EPHA6: variants seen among roughly 807,000 people sequenced by gnomAD.
EPHA6 encodes ephrin type-A receptor 6.
A neutral mutation model predicts 112.0 loss-of-function variants in EPHA6; 50 were observed. The observed-to-expected ratio is 0.45, with a 90% CI of 0.36 to 0.56. EPHA6 has a LOEUF of 0.56. EPHA6 is among the 20% of genes least tolerant of loss of function. The probability of loss-of-function intolerance (pLI) is 0.00; values close to 1 mark genes in which losing one functional copy is unlikely to be tolerated. For synonymous variants in EPHA6, 529 were observed against 490.7 expected (o/e 1.08, Z -1.03); for missense variants, 1,280 against 1,417.4 (o/e 0.90, Z 1.56).
At chr3:97,248,545 A>G (rs1222525100) in intron 5 of EPHA6, among the ~76,000 whole-genome samples, 11 of 152,136 alleles carry the variant, frequency 7.2e-5, no homozygotes, top group Admixed American at 6.6e-4. Context: ...AGTGAAAGAC[A>G]TGGTAAATTA....
intron 6 of EPHA6, among the ~76,000 whole-genome samples, chr3:97,445,279 T>A (rs1361543380): frequency 6.6e-6 from 1 of 152,132 alleles, no homozygotes; most frequent in African/African-American, 2.4e-5. Flanking sequence ...GTGCACAAGA[T>A]GGCCAGTGCT....
At chr3:97,006,446 G>A (rs2043882796) in intron 3 of EPHA6, among the ~76,000 whole-genome samples, 1 of 152,012 alleles carries the variant, frequency 6.6e-6, no homozygotes, top group Admixed American at 6.5e-5. Flanking sequence ...TGGGGTCAGT[G>A]GTGATATCCC....
At chr3:97,326,983 C>T (rs1576977219) in intron 5 of EPHA6, among the ~76,000 whole-genome samples, 2 of 152,076 alleles carry the variant, frequency 1.3e-5, no homozygotes, top group East Asian at 3.9e-4. Flanking sequence ...ACAGTAGCTT[C>T]TCACTGGTAA....
intron 3 of EPHA6, among the ~76,000 whole-genome samples, chr3:97,102,217 A>G (rs940606028): frequency 3.3e-5 from 5 of 152,032 alleles, no homozygotes; most frequent in African/African-American, 4.8e-5. Flanking sequence ...CTTTCTTCCA[A>G]CCATCCTCAG....
chr3:97,650,381 AATT>A (rs1248725884), intron 14 of EPHA6, among the ~76,000 whole-genome samples: 1 of 152,140 alleles, frequency 6.6e-6, no homozygotes, highest in East Asian at 1.9e-4. Flanking sequence ...TACCAAAGGA[AATT>A]ACTGCATAAA....
chr3:96,874,158 T>C (rs1384087392), intron 2 of EPHA6, among the ~76,000 whole-genome samples: 6 of 152,124 alleles, frequency 3.9e-5, no homozygotes, highest in Non-Finnish European at 7.4e-5. Context: ...AAGAGCAGAC[T>C]TAATCTAGTT....
chr3:96,974,999 A>G (rs1490253117), intron 2 of EPHA6, among the ~76,000 whole-genome samples: 1 of 152,128 alleles, frequency 6.6e-6, no homozygotes, highest in Non-Finnish European at 1.5e-5. Context: ...TGTTTTGGTC[A>G]GGTGGTAGAA....
intron 1 of EPHA6, among the ~76,000 whole-genome samples, chr3:96,866,073 A>AT (rs2036292787): frequency 6.6e-6 from 1 of 152,020 alleles, no homozygotes; most frequent in South Asian, 2.1e-4. Context: ...AAACCCCCTC[A>AT]TCCTAGACCA....
intron 6 of EPHA6, among the ~76,000 whole-genome samples, chr3:97,440,695 G>A (rs929606946): frequency 2.6e-5 from 4 of 151,506 alleles, no homozygotes; most frequent in African/African-American, 9.7e-5. Flanking sequence ...ACTGTGAAAT[G>A]TGACCAATGC....
intron 10 of EPHA6, among the ~76,000 whole-genome samples, chr3:97,490,092 A>C (rs2091801308): frequency 6.6e-6 from 1 of 152,090 alleles, no homozygotes; most frequent in African/African-American, 2.4e-5. Flanking sequence ...AAATAAATAA[A>C]ATTCTTAAAC....
chr3:97,210,483 C>T (rs1049082409), intron 3 of EPHA6, among the ~76,000 whole-genome samples: 25 of 152,114 alleles, frequency 1.6e-4, no homozygotes, highest in Non-Finnish European at 2.2e-4. Context: ...ATGGGGATTA[C>T]AGTTTGAGAT....
At chr3:96,908,647 T>C (rs62263680) in intron 2 of EPHA6, among the ~76,000 whole-genome samples, 4,741 of 151,924 alleles carry the variant, frequency 0.031, 105 homozygotes, top group Middle Eastern at 0.068. Flanking sequence ...GTTAACTGAG[T>C]GGGTTCATTA....
chr3:97,394,804 G>A (rs950754378), intron 5 of EPHA6, among the ~76,000 whole-genome samples: 4 of 151,624 alleles, frequency 2.6e-5, no homozygotes, highest in African/African-American at 7.3e-5. Flanking sequence ...TAGAAAAGGA[G>A]GAACTCTTAT....
intron 6 of EPHA6, among the ~76,000 whole-genome samples, chr3:97,446,599 C>T (rs77516882): frequency 0.018 from 2,746 of 152,142 alleles, 80 homozygotes; most frequent in African/African-American, 0.062. Flanking sequence ...GTTCTTATCT[C>T]AGTCATCATT....
chr3:97,179,281 G>C (rs2076918970), intron 3 of EPHA6, among the ~76,000 whole-genome samples: 1 of 151,852 alleles, frequency 6.6e-6, no homozygotes, highest in African/African-American at 2.4e-5. Context: ...TTCCTTCTCT[G>C]TGTTATGTGG....
intron 3 of EPHA6, among the ~76,000 whole-genome samples, chr3:97,020,248 G>T (rs1324029195): frequency 1.3e-5 from 2 of 152,168 alleles, no homozygotes; most frequent in Non-Finnish European, 2.9e-5. Flanking sequence ...GGCTAGTTCA[G>T]ATGACCTCAG....
chr3:97,167,062 A>G (rs922994075), intron 3 of EPHA6, among the ~76,000 whole-genome samples: 8 of 152,192 alleles, frequency 5.3e-5, no homozygotes, highest in African/African-American at 1.9e-4. Flanking sequence ...GGCACCATTC[A>G]TATTCAATAA....
rs111809999 is a variant in EPHA6, at chr3:97,586,256, T to C, written c.2387-6356T>C. On this transcript the variant is annotated intron_variant, in intron 11 of 17. Coordinates refer to ENST00000389672, the MANE Select transcript of EPHA6 (RefSeq NM_001080448.3). ...ACAATGAGGCAGTAATAATCCTTTC[T>C]TTACCAAAGTAGGCAGAGCAGCGTA... Among the ~76,000 whole-genome samples, 44 of 152,340 alleles carry C rather than the reference T, an allele frequency of 2.9e-4. 1 individual carries two copies. Among genetic ancestry groups the C allele is most frequent in the African/African-American group, 8.2e-4 (34 of 41,590 alleles).
At chr3:97,674,955 GATTCTA>G (rs962228701) in intron 14 of EPHA6, among the ~76,000 whole-genome samples, 5 of 152,088 alleles carry the variant, frequency 3.3e-5, no homozygotes, top group Non-Finnish European at 7.4e-5. Context: ...AACAGTACAA[GATTCTA>G]ATACATCAAG....
Sources: gnomAD v4.1 joint callset for allele counts (sites outside exome capture counted in the v4.1 genomes callset) on GRCh38, gnomAD v4.1.1 for gene constraint, MANE v1.5 for transcripts, NCBI Gene and HGNC (gene_info 2026-07-23, HGNC 2026-07-21) for gene names.